Variants in C19orf47 observed in about 807,000 individuals in gnomAD.
The protein encoded by C19orf47 is chromosome 19 open reading frame 47, also known as uncharacterized protein C19orf47.
In C19orf47, 18 loss-of-function variants were observed where a neutral mutation model predicts 32.3. The ratio of observed to expected loss-of-function variants is 0.56; its 90% CI spans 0.39 to 0.83. C19orf47 has a LOEUF of 0.83. Among genes scored for constraint, C19orf47 ranks in the 40% least tolerant of loss-of-function variants. The pLI, the probability that C19orf47 is intolerant of heterozygous loss-of-function variation, is 0.00. For synonymous variants in C19orf47, 202 were observed against 211.1 expected (o/e 0.96, Z 0.37); for missense variants, 484 against 531.6 (o/e 0.91, Z 0.88).
Position 40,322,096 on chromosome 19 carries a change from A to T in C19orf47, c.944T>A (p.Ile315Asn). The T allele has an allele frequency of 6.2e-7, 1 of 1,614,154 alleles. No individual in the cohort carries two copies. The highest frequency in any genetic ancestry group is 1.1e-5 in the South Asian group (1 of 91,086). The part of the protein sequence containing the change: ...RKPESLSKVS[I>N]IKRLGAAALV... ...GGCAGCTGCGCCCAGTCTCTTGATG[A>T]TGCTGACTTTAGACAAGGACTCCGG... is the stretch of plus-strand genomic sequence containing the variant. The change falls in exon 9 of 9, where the codon ATC (isoleucine) becomes AAC (asparagine). Residue 315 changes from isoleucine to asparagine, a missense_variant. This residue lies in a region of C19orf47 where 376 missense variants were observed against 370.2 expected (regional missense o/e 1.02). Coordinates refer to ENST00000683109, the MANE Select transcript of C19orf47 (RefSeq NM_001256441.2).
At chr19:40,305,446 CAAGAA>C in the C19orf47 span, among the ~76,000 whole-genome samples, 1 of 152,034 alleles carries the variant, frequency 6.6e-6, no homozygotes, top group African/African-American at 2.4e-5. Context: ...TGATCTTTTT[CAAGAA>C]GAGAAAAATT....
At chr19:40,309,193 CTT>C in the C19orf47 span, among the ~76,000 whole-genome samples, 26 of 141,662 alleles carry the variant, frequency 1.8e-4, no homozygotes, top group Admixed American at 3.5e-4. Flanking sequence ...TTCTCTCTCT[CTT>C]TTTTTTTTTT....
At chr19:40,346,769 G>A (rs1001006587) in intron 1 of C19orf47, among the ~76,000 whole-genome samples, 6 of 151,790 alleles carry the variant, frequency 4.0e-5, no homozygotes, top group East Asian at 2.0e-4. Context: ...CTCGTGATCC[G>A]CCCGTCTCGG....
intron 7 of C19orf47, 121 bp downstream of exon 7, chr19:40,326,213 C>T: frequency 7.3e-7 from 1 of 1,377,550 alleles, no homozygotes; most frequent in African/African-American, 1.4e-5. Flanking sequence ...TGGCCTACGG[C>T]TCCTGCATCC....
the C19orf47 span, among the ~76,000 whole-genome samples, chr19:40,306,698 A>C: frequency 7.7e-3 from 1,174 of 151,876 alleles, 16 homozygotes; most frequent in African/African-American, 0.027. Flanking sequence ...CCACTGCATC[A>C]GGCTTCTTGT....
intron 2 of C19orf47, among the ~76,000 whole-genome samples, chr19:40,340,885 G>T (rs1242576758): frequency 1.3e-5 from 2 of 151,304 alleles, no homozygotes; most frequent in African/African-American, 4.9e-5. Flanking sequence ...GGCTGAGATG[G>T]GAGGATCACC....
At chr19:40,343,106 G>A (rs939169059) in intron 1 of C19orf47, among the ~76,000 whole-genome samples, 1 of 152,090 alleles carries the variant, frequency 6.6e-6, no homozygotes, top group Non-Finnish European at 1.5e-5. Flanking sequence ...GGCCCACACT[G>A]CCCTGGCCCA....
downstream of C19orf47, among the ~76,000 whole-genome samples, chr19:40,316,497 G>C (rs774916530): frequency 6.6e-6 from 1 of 152,156 alleles, no homozygotes; most frequent in Non-Finnish European, 1.5e-5. Flanking sequence ...CTCAGGATTC[G>C]ACAAGTCCAA....
At chr19:40,331,684 G>A (rs552199751) in intron 5 of C19orf47, among the ~76,000 whole-genome samples, 59 of 152,018 alleles carry the variant, frequency 3.9e-4, no homozygotes, top group Non-Finnish European at 6.2e-4. Flanking sequence ...AGTTTTGGGC[G>A]GCTTAGTTAT....
the C19orf47 span, among the ~76,000 whole-genome samples, chr19:40,309,069 CAAAT>C: frequency 2.0e-5 from 3 of 151,932 alleles, no homozygotes; most frequent in Non-Finnish European, 4.4e-5. Flanking sequence ...TTCAAATAAA[CAAAT>C]AAATAAAAGT....
intron 4 of C19orf47, 28 bp from the exon 5 acceptor site, chr19:40,333,957 C>T (rs1473743520): frequency 3.9e-6 from 6 of 1,528,600 alleles, no homozygotes; most frequent in South Asian, 1.2e-5. Flanking sequence ...GCACCTGGGT[C>T]ACCACAGAAG....
chr19:40,331,180 G>A (rs902279754), intron 5 of C19orf47, among the ~76,000 whole-genome samples: 8 of 152,244 alleles, frequency 5.3e-5, no homozygotes, highest in Non-Finnish European at 1.0e-4. Context: ...AACAGGACAA[G>A]AGCAAATGTT....
At chr19:40,343,535 C>G (rs901546553) in intron 1 of C19orf47, 4 of 152,246 alleles carry the variant, frequency 2.6e-5, no homozygotes, top group African/African-American at 9.6e-5. Context: ...TGAGACAGTG[C>G]TTGGTGCCTA....
chr19:40,319,347 AAAAT>A (rs1376654184), downstream of C19orf47, among the ~76,000 whole-genome samples: 3 of 152,066 alleles, frequency 2.0e-5, no homozygotes, highest in South Asian at 2.1e-4. Context: ...TCACACAATG[AAAAT>A]AAATAAATAA....
chr19:40,312,602 G>A, the C19orf47 span, among the ~76,000 whole-genome samples: 3 of 152,016 alleles, frequency 2.0e-5, no homozygotes, highest in Non-Finnish European at 2.9e-5. Context: ...GCTCCTTCTT[G>A]AAACCCAGCT....
the C19orf47 span, among the ~76,000 whole-genome samples, chr19:40,311,696 C>G: frequency 2.3e-3 from 350 of 152,102 alleles, no homozygotes; most frequent in African/African-American, 7.6e-3. Context: ...TGCTGGGTCG[C>G]CCAGGCTAGA....
chr19:40,327,294 G>T (rs1391526130), intron 6 of C19orf47, among the ~76,000 whole-genome samples: 4 of 149,808 alleles, frequency 2.7e-5, no homozygotes, highest in African/African-American at 7.4e-5. Context: ...GATTACAGGT[G>T]TGAGCCACCC....
the C19orf47 span, among the ~76,000 whole-genome samples, chr19:40,313,420 G>A: frequency 3.3e-4 from 50 of 152,144 alleles, no homozygotes; most frequent in African/African-American, 1.1e-3. Flanking sequence ...TACCTGTTGC[G>A]CTCAAGTGAT....
chr19:40,348,319 C>T lies in C19orf47; in HGVS notation c.-34+5G>A. 1 of 1,343,972 alleles carries T rather than the reference C, an allele frequency of 7.4e-7. No homozygotes were observed. The highest frequency in any genetic ancestry group is 9.5e-7 in the Non-Finnish European group (1 of 1,051,564). The allele number at this position is 1,343,972 out of a possible 1,614,324, so 83.3% of individuals were successfully genotyped here. On this transcript the variant is annotated splice_donor_5th_base_variant and intron_variant, in intron 1 of 8. Transcript: ENST00000683109. ...CAGTCCCACCACCCCCGGCCCGCGC[C>T]TCACCTGGCCCACCGGGCCCGCGCC...
Sources: allele counts gnomAD v4.1 joint callset (sites outside exome capture counted in the v4.1 genomes callset), GRCh38; gene constraint gnomAD v4.1.1; regional missense constraint gnomAD v4.1.1; transcripts MANE v1.5; gene names NCBI Gene and HGNC (gene_info 2026-07-23, HGNC 2026-07-21).